The following MAP2 variants were observed in gnomAD, a reference collection of about 807,000 sequenced individuals.
The protein encoded by MAP2 is microtubule associated protein 2.
MAP2 carries 14 observed loss-of-function variants against 137.6 expected under a neutral mutation model. The observed-to-expected ratio is 0.10, with a 90% CI of 0.07 to 0.16. The LOEUF is 0.16. Among genes scored for constraint, MAP2 ranks in the 10% least tolerant of loss-of-function variants. The pLI, the probability that MAP2 is intolerant of heterozygous loss-of-function variation, is 1.00. For missense variants in MAP2, 2,088 were observed against 2,191.5 expected (o/e 0.95, Z 0.94); for synonymous variants, 786 against 782.3 (o/e 1.00, Z -0.08).
chr2:209,568,766 T>C (rs2073913644), intron 2 of MAP2, among the ~76,000 whole-genome samples: 1 of 151,866 alleles, frequency 6.6e-6, no homozygotes, highest in Non-Finnish European at 1.5e-5. Context: ...TAAATGAAGG[T>C]TCATTTCCTG....
intron 1 of MAP2, among the ~76,000 whole-genome samples, chr2:209,442,820 C>G (rs140971295): frequency 3.2e-4 from 49 of 151,742 alleles, no homozygotes; most frequent in African/African-American, 1.2e-3. Flanking sequence ...GGTCATGGAA[C>G]TATTCCAAGT....
intron 1 of MAP2, among the ~76,000 whole-genome samples, chr2:209,425,082 G>A (rs562832676): frequency 6.6e-6 from 1 of 152,012 alleles, no homozygotes; most frequent in African/African-American, 2.4e-5. Flanking sequence ...GGCTAGGAGT[G>A]GGGAGCTGTA....
intron 2 of MAP2, among the ~76,000 whole-genome samples, chr2:209,522,384 A>G (rs1280661156): frequency 6.6e-6 from 1 of 152,166 alleles, no homozygotes; most frequent in African/African-American, 2.4e-5. Context: ...ATTTGGAAGA[A>G]GTCTTGCAGG....
chr2:209,568,978 C>G (rs1382743222), intron 2 of MAP2, among the ~76,000 whole-genome samples: 1 of 151,764 alleles, frequency 6.6e-6, no homozygotes, highest in African/African-American at 2.4e-5. Context: ...TTTGTCTTAA[C>G]ACTTAGGTTA....
chr2:209,666,694 GCTGACTATCATCTT>G (rs1431002920), intron 5 of MAP2, among the ~76,000 whole-genome samples: 3 of 151,450 alleles, frequency 2.0e-5, no homozygotes, highest in Non-Finnish European at 4.4e-5. Flanking sequence ...AATTACTCTA[GCTGACTATCATCTT>G]ATGATGGAAT....
chr2:209,531,817 G>A (rs1411530993), intron 2 of MAP2, among the ~76,000 whole-genome samples: 1 of 152,086 alleles, frequency 6.6e-6, no homozygotes, highest in East Asian at 1.9e-4. Flanking sequence ...CCAAATTAGG[G>A]TGCTCTTATG....
intron 7 of MAP2, among the ~76,000 whole-genome samples, chr2:209,685,671 C>A (rs2056748075): frequency 6.6e-6 from 1 of 152,142 alleles, no homozygotes; most frequent in Non-Finnish European, 1.5e-5. Flanking sequence ...CTAGATCTTT[C>A]AAAATTTGTG....
chr2:209,720,771 A>C (rs776862809), intron 13 of MAP2, among the ~76,000 whole-genome samples: 7 of 151,838 alleles, frequency 4.6e-5, no homozygotes, highest in Non-Finnish European at 8.8e-5. Flanking sequence ...CTTTTTCGTT[A>C]AATAGTAGTT....
intron 1 of MAP2, among the ~76,000 whole-genome samples, chr2:209,461,295 A>G (rs527439787): frequency 3.9e-5 from 6 of 152,346 alleles, no homozygotes; most frequent in African/African-American, 1.4e-4. Context: ...TTAGTTACTC[A>G]GTTGCACTGC....
intron 7 of MAP2, among the ~76,000 whole-genome samples, chr2:209,687,303 A>C (rs912680195): frequency 1.3e-5 from 2 of 151,718 alleles, no homozygotes; most frequent in Non-Finnish European, 2.9e-5. Context: ...TTTTAAACTT[A>C]TAAACATATT....
At chr2:209,691,750 C>G (rs1583572248) in intron 7 of MAP2, among the ~76,000 whole-genome samples, 1 of 152,154 alleles carries the variant, frequency 6.6e-6, no homozygotes, top group South Asian at 2.1e-4. Flanking sequence ...GTTAGTCATG[C>G]TCCAAGGATT....
At chr2:209,527,481 C>T (rs565295816) in intron 2 of MAP2, among the ~76,000 whole-genome samples, 8 of 152,256 alleles carry the variant, frequency 5.3e-5, no homozygotes, top group East Asian at 1.9e-4. Context: ...GTCTTCCCCT[C>T]GCAGCCGTGT....
Position 209,586,902 on chromosome 2 carries a change from T to C in MAP2, c.-107+6802T>C, listed in dbSNP as rs527423286. On this transcript the variant is annotated intron_variant, in intron 3 of 15. Coordinates refer to ENST00000682079, the MANE Select transcript of MAP2 (RefSeq NM_001375505.1). Reference sequence around the variant, plus strand: ...AGTGAGCTCTTCTTATTCAGCAACATAGCATACTTTTAAACCTCTTTGATG... The same window carrying C: ...AGTGAGCTCTTCTTATTCAGCAACACAGCATACTTTTAAACCTCTTTGATG... Among the ~76,000 whole-genome samples, 11 of 152,250 alleles carry C rather than the reference T, an allele frequency of 7.2e-5. No individual in the cohort carries two copies. The East Asian group carries it at 7.7e-4, about 11-fold the overall frequency.
At chr2:209,617,633 GT>G (rs2089934968) in intron 3 of MAP2, among the ~76,000 whole-genome samples, 1 of 152,084 alleles carries the variant, frequency 6.6e-6, no homozygotes, top group Non-Finnish European at 1.5e-5. Context: ...AGGAGATCTG[GT>G]GTCTCCTCCT....
chr2:209,472,789 G>C (rs777825760), intron 1 of MAP2, among the ~76,000 whole-genome samples: 4 of 152,028 alleles, frequency 2.6e-5, no homozygotes, highest in Non-Finnish European at 4.4e-5. Flanking sequence ...TTATATCCAA[G>C]AACAGTCAAC....
At chr2:209,512,728 G>A (rs13022724) in intron 2 of MAP2, among the ~76,000 whole-genome samples, 8,787 of 152,056 alleles carry the variant, frequency 0.058, 289 homozygotes, top group South Asian at 0.092. Context: ...TATAAACTCA[G>A]ACTTCTAAGC....
At chr2:209,619,448 G>A (rs1157301509) in intron 3 of MAP2, among the ~76,000 whole-genome samples, 4 of 151,976 alleles carry the variant, frequency 2.6e-5, no homozygotes, top group Non-Finnish European at 5.9e-5. Context: ...TGTTTTGTAT[G>A]CAACTTAGAG....
At chr2:209,447,798 T>C (rs191366857) in intron 1 of MAP2, among the ~76,000 whole-genome samples, 40 of 152,122 alleles carry the variant, frequency 2.6e-4, no homozygotes, top group Admixed American at 2.0e-3. Context: ...ACTCAGAGAA[T>C]AGTGGAAGAT....
At chr2:209,649,334 C>A (rs1413492299) in intron 4 of MAP2, among the ~76,000 whole-genome samples, 1 of 151,914 alleles carries the variant, frequency 6.6e-6, no homozygotes, top group Non-Finnish European at 1.5e-5. Flanking sequence ...TCTTTAATTG[C>A]ACATTCACAT....
Sources: gnomAD v4.1 joint callset for allele counts (sites outside exome capture counted in the v4.1 genomes callset) on GRCh38, gnomAD v4.1.1 for gene constraint, MANE v1.5 for transcripts, NCBI Gene and HGNC (gene_info 2026-07-23, HGNC 2026-07-21) for gene names.